Variants in ANKS1B observed in about 807,000 individuals in gnomAD.
ANKS1B encodes the protein ankyrin repeat and sterile alpha motif domain containing 1B, also known as ankyrin repeat and sterile alpha motif domain-containing protein 1B.
Under a neutral mutation model 148.3 loss-of-function variants are expected in ANKS1B, and 36 were observed. The observed-to-expected ratio is 0.24, with a 90% CI of 0.19 to 0.32. The LOEUF is 0.32. Ranked by LOEUF, ANKS1B falls within the 10% of genes least tolerant of loss-of-function variation. ANKS1B has a pLI of 1.00. For synonymous variants in ANKS1B, 542 were observed against 560.8 expected (o/e 0.97, Z 0.47); for missense variants, 1,157 against 1,542.6 (o/e 0.75, Z 4.19).
chr12:98,751,649 A>G lies in ANKS1B; in HGVS notation c.3580-127T>C. The G allele has an allele frequency of 2.3e-6, 2 of 870,722 alleles. No homozygotes were observed. The highest frequency in any genetic ancestry group is 3.7e-6 in the Non-Finnish European group (2 of 545,422). 53.9% of individuals were successfully genotyped at this position (870,722 alleles called of 1,614,324 possible). ...AACTACTTCACCAGAGGCAGCAGCG[A>G]TTCGGTGGAAATCTACAAAGAACAG... On this transcript the variant is annotated intron_variant, in intron 25 of 26. Transcript: ENST00000683438. The surrounding 1 kb of genome is among the most constrained non-coding windows in gnomAD (Gnocchi z 4.3).
intron 17 of ANKS1B, among the ~76,000 whole-genome samples, chr12:98,838,384 T>A (rs1215177372): frequency 1.3e-5 from 2 of 152,180 alleles, no homozygotes; most frequent in African/African-American, 4.8e-5. Flanking sequence ...GAAATCTCAA[T>A]CCGTTTATTG....
At chr12:99,232,914 T>C (rs971395202) in intron 14 of ANKS1B, among the ~76,000 whole-genome samples, 3 of 151,984 alleles carry the variant, frequency 2.0e-5, no homozygotes, top group African/African-American at 7.2e-5. Context: ...GGCTATAAAG[T>C]TGAGAATTCC....
intron 12 of ANKS1B, among the ~76,000 whole-genome samples, chr12:99,249,311 G>A (rs940056864): frequency 1.3e-5 from 2 of 152,026 alleles, no homozygotes; most frequent in Non-Finnish European, 2.9e-5. Context: ...GAATTTTAGG[G>A]GCGTAATATT....
At chr12:99,129,517 C>T (rs1314415163) in intron 15 of ANKS1B, among the ~76,000 whole-genome samples, 1 of 152,108 alleles carries the variant, frequency 6.6e-6, no homozygotes, top group African/African-American at 2.4e-5. Context: ...AAATACATGC[C>T]ACTTTGGGTC....
rs12307689 is a variant in ANKS1B, at chr12:98,935,468, T to C, written c.2779-103332A>G. Among the ~76,000 whole-genome samples, 1,224 of 152,328 alleles carry C rather than the reference T, an allele frequency of 8.0e-3. 26 individuals carry two copies. The highest frequency in any genetic ancestry group is 0.028 in the African/African-American group (1,164 of 41,586). On this transcript the variant is annotated intron_variant, in intron 17 of 26. Coordinates refer to ENST00000683438, the MANE Select transcript of ANKS1B (RefSeq NM_001352186.2). ...GTACTGTCTTTATCTGGCTTTGGTATCAGCATAATGCTGGTCTCATAAAAT... is the reference window on the plus strand; with the variant it reads ...GTACTGTCTTTATCTGGCTTTGGTACCAGCATAATGCTGGTCTCATAAAAT...
At chr12:99,879,355 T>C (rs1254113576) in intron 1 of ANKS1B, among the ~76,000 whole-genome samples, 1 of 152,218 alleles carries the variant, frequency 6.6e-6, no homozygotes, top group Non-Finnish European at 1.5e-5. Context: ...TCCTCCCTAC[T>C]TTGCAGTCTC....
At chr12:99,525,690 C>G (rs1351933748) in intron 9 of ANKS1B, among the ~76,000 whole-genome samples, 1 of 152,106 alleles carries the variant, frequency 6.6e-6, no homozygotes. Context: ...TACTGCATTC[C>G]TTATATCAAA....
intron 9 of ANKS1B, among the ~76,000 whole-genome samples, chr12:99,620,272 A>G (rs569081267): frequency 6.6e-6 from 1 of 152,322 alleles, no homozygotes; most frequent in East Asian, 1.9e-4. Flanking sequence ...TAATTACAAA[A>G]ATTTGAAGTG....
chr12:99,381,275 G>C (rs1009142290), intron 12 of ANKS1B, among the ~76,000 whole-genome samples: 1 of 152,134 alleles, frequency 6.6e-6, no homozygotes, highest in African/African-American at 2.4e-5. Context: ...AGTACCTTTG[G>C]GACAACTGAG....
chr12:99,162,990 G>T (rs1243258309), intron 14 of ANKS1B, among the ~76,000 whole-genome samples: 1 of 151,998 alleles, frequency 6.6e-6, no homozygotes, highest in Non-Finnish European at 1.5e-5. Context: ...CCCAGGAGGT[G>T]GAGGTTGCAG....
intron 17 of ANKS1B, among the ~76,000 whole-genome samples, chr12:98,913,361 C>T (rs901205375): frequency 4.6e-5 from 7 of 152,150 alleles, no homozygotes; most frequent in Non-Finnish European, 7.3e-5. Flanking sequence ...TGGTTTTCCT[C>T]CTACTTCTCT....
At chr12:98,924,486 T>C (rs901811057) in intron 17 of ANKS1B, among the ~76,000 whole-genome samples, 6 of 152,204 alleles carry the variant, frequency 3.9e-5, no homozygotes, top group Non-Finnish European at 1.5e-5. Context: ...CCTTTGTGGA[T>C]TTGACTTTAG....
At chr12:98,972,004 C>T (rs2099883527) in intron 17 of ANKS1B, among the ~76,000 whole-genome samples, 1 of 152,088 alleles carries the variant, frequency 6.6e-6, no homozygotes, top group Admixed American at 6.5e-5. Flanking sequence ...CCCGTCTCTA[C>T]TAAAAATACA....
intron 11 of ANKS1B, among the ~76,000 whole-genome samples, chr12:99,431,099 A>G (rs557339110): frequency 6.6e-6 from 1 of 152,340 alleles, no homozygotes; most frequent in Admixed American, 6.5e-5. Context: ...AAATGATGCT[A>G]AAATAATACT....
At chr12:98,857,507 T>C (rs1595635726) in intron 17 of ANKS1B, among the ~76,000 whole-genome samples, 2 of 125,032 alleles carry the variant, frequency 1.6e-5, no homozygotes, top group Admixed American at 8.4e-5. Context: ...AAGGGACACA[T>C]GTTTCTCTGA....
intron 1 of ANKS1B, among the ~76,000 whole-genome samples, chr12:99,915,175 AG>A (rs1445629269): frequency 1.4e-5 from 2 of 143,652 alleles, no homozygotes; most frequent in Non-Finnish European, 3.0e-5. Context: ...CAGTGAGCTG[AG>A]GTCGCACCAT....
intron 10 of ANKS1B, among the ~76,000 whole-genome samples, chr12:99,449,822 T>C (rs1401905250): frequency 6.6e-6 from 1 of 152,126 alleles, no homozygotes; most frequent in Non-Finnish European, 1.5e-5. Flanking sequence ...GTTCCAGAAA[T>C]AGCAGATGAT....
intron 9 of ANKS1B, among the ~76,000 whole-genome samples, chr12:99,605,628 T>C (rs1244657794): frequency 1.3e-5 from 2 of 152,160 alleles, no homozygotes; most frequent in Non-Finnish European, 2.9e-5. Flanking sequence ...CATAATGTTT[T>C]CCAGCCTCAT....
chr12:99,355,273 G>A lies in ANKS1B; in HGVS notation c.1756+44358C>T, dbSNP rs563578885. Among the ~76,000 whole-genome samples, 32 of 152,124 alleles carry A rather than the reference G, an allele frequency of 2.1e-4. No individual in the cohort carries two copies. In the South Asian group the frequency reaches 6.2e-3, roughly 30 times the overall value. ...CTTCAGGTTTCATAATTGGTAAGTG[G>A]AGATTGGGATAGTGCTAGAATTATT... On this transcript the variant is annotated intron_variant, in intron 12 of 26. Coordinates refer to ENST00000683438, the MANE Select transcript of ANKS1B (RefSeq NM_001352186.2).
Sources: gnomAD v4.1 joint callset for allele counts (sites outside exome capture counted in the v4.1 genomes callset) on GRCh38, gnomAD v4.1.1 for gene constraint, Gnocchi (gnomAD v3.1) non-coding constraint, MANE v1.5 for transcripts, NCBI Gene and HGNC (gene_info 2026-07-23, HGNC 2026-07-21) for gene names.